Variants in IMMP2L observed in about 807,000 individuals in gnomAD.
The protein encoded by IMMP2L is mitochondrial inner membrane protease subunit 2.
In IMMP2L, 18 loss-of-function variants were observed where a neutral mutation model predicts 19.3. The observed-to-expected ratio is 0.93, with a 90% CI of 0.64 to 1.38. The LOEUF is 1.38. Among genes scored for constraint, IMMP2L ranks in the 40% most tolerant of loss-of-function variants. The probability of loss-of-function intolerance (pLI) is 0.00; values close to 1 mark genes in which losing one functional copy is unlikely to be tolerated. For synonymous variants in IMMP2L, 76 were observed against 73.0 expected, an observed-to-expected ratio of 1.04 and a Z score of -0.21; for missense variants, 233 against 218.2, an observed-to-expected ratio of 1.07 and a Z score of -0.43.
At chr7:111,396,806 T>G (rs1832912707) in intron 3 of IMMP2L, among the ~76,000 whole-genome samples, 1 of 152,070 alleles carries the variant, frequency 6.6e-6, no homozygotes, top group Admixed American at 6.6e-5. Flanking sequence ...CATTTTTCAC[T>G]GGGTGCGGTG....
At chr7:110,989,468 G>A (rs947783550) in intron 3 of IMMP2L, among the ~76,000 whole-genome samples, 1 of 147,098 alleles carries the variant, frequency 6.8e-6, no homozygotes, top group Non-Finnish European at 1.5e-5. Flanking sequence ...GATCAGGTGA[G>A]CCTAGGAGGT....
At chr7:111,085,750 G>A (rs1181103634) in intron 3 of IMMP2L, among the ~76,000 whole-genome samples, 3 of 152,160 alleles carry the variant, frequency 2.0e-5, no homozygotes, top group Non-Finnish European at 2.9e-5. Flanking sequence ...GCCCATCAGT[G>A]ATAGACTGGA....
At chr7:110,762,534 C>A (rs1180514331) in intron 5 of IMMP2L, among the ~76,000 whole-genome samples, 5 of 152,116 alleles carry the variant, frequency 3.3e-5, no homozygotes, top group Non-Finnish European at 5.9e-5. Context: ...CTCCAAGTCA[C>A]CTTTGCTTCA....
intron 3 of IMMP2L, among the ~76,000 whole-genome samples, chr7:111,347,547 G>C (rs1290452427): frequency 2.0e-5 from 3 of 151,878 alleles, no homozygotes; most frequent in Non-Finnish European, 4.4e-5. Context: ...CAGAGAAACA[G>C]GCTAAGAGCA....
intron 3 of IMMP2L, among the ~76,000 whole-genome samples, chr7:111,358,849 A>G (rs1828982599): frequency 6.6e-6 from 1 of 152,148 alleles, no homozygotes; most frequent in Non-Finnish European, 1.5e-5. Flanking sequence ...TCAAGATAGT[A>G]AAGGAAGGAG....
At position 110,762,494 on chromosome 7, in the gene IMMP2L, A is replaced by G. The variant is rs192636621; in HGVS notation, c.409-98773T>C. On this transcript the variant is annotated intron_variant, in intron 5 of 5. Transcript: ENST00000405709. ...AGCTTATCACATTGCCTGAACATCA[A>G]CTCCCGTCTAGGCCTGCCTCGGTGT... Among the ~76,000 whole-genome samples the G allele has an allele frequency of 1.1e-4, 16 of 151,624 alleles. No individual in the cohort carries two copies. In the East Asian group the frequency reaches 2.9e-3, roughly 28 times the overall value.
At chr7:111,559,898 G>A (rs957698752) in intron 1 of IMMP2L, among the ~76,000 whole-genome samples, 1 of 152,092 alleles carries the variant, frequency 6.6e-6, no homozygotes, top group Admixed American at 6.5e-5. Flanking sequence ...GACTGTAAAA[G>A]TCATGCTACT....
intron 4 of IMMP2L, among the ~76,000 whole-genome samples, chr7:110,919,136 T>C (rs975680896): frequency 6.6e-6 from 1 of 152,210 alleles, no homozygotes; most frequent in African/African-American, 2.4e-5. Context: ...CTGAGGATGA[T>C]CCATTTCCAT....
intron 3 of IMMP2L, among the ~76,000 whole-genome samples, chr7:111,340,012 C>A (rs1826854127): frequency 6.6e-6 from 1 of 151,780 alleles, no homozygotes; most frequent in African/African-American, 2.4e-5. Context: ...CTGATACTAC[C>A]ATTCTATATA....
At chr7:111,091,364 T>C (rs942486151) in intron 3 of IMMP2L, 5 of 152,166 alleles carry the variant, frequency 3.3e-5, no homozygotes, top group Non-Finnish European at 7.4e-5. Flanking sequence ...ATATATTTTG[T>C]ACACTTTGTT....
intron 3 of IMMP2L, among the ~76,000 whole-genome samples, chr7:111,011,619 G>A (rs1011638959): frequency 1.3e-5 from 2 of 152,148 alleles, no homozygotes; most frequent in Non-Finnish European, 2.9e-5. Context: ...TAGCCAATAT[G>A]ATGTGAGAGT....
intron 3 of IMMP2L, among the ~76,000 whole-genome samples, chr7:110,977,632 A>C (rs1438861914): frequency 6.6e-6 from 1 of 151,420 alleles, no homozygotes; most frequent in Non-Finnish European, 1.5e-5. Flanking sequence ...AGCAAGCTTG[A>C]CTCTACTTTC....
intron 5 of IMMP2L, among the ~76,000 whole-genome samples, chr7:110,792,199 G>A (rs888007465): frequency 6.6e-6 from 1 of 151,724 alleles, no homozygotes; most frequent in East Asian, 1.9e-4. Context: ...CCCTTAGCTT[G>A]TTGAATTTAG....
rs150517389 is a variant in IMMP2L, at chr7:111,287,319, A to G, written c.239+199919T>C. Among the ~76,000 whole-genome samples, 6 of 152,292 alleles carry G rather than the reference A, an allele frequency of 3.9e-5. No individual in the cohort carries two copies. The East Asian group carries it at 1.2e-3, about 29-fold the overall frequency. On this transcript the variant is annotated intron_variant, in intron 3 of 5. Coordinates refer to ENST00000405709, the MANE Select transcript of IMMP2L (RefSeq NM_032549.4). ...CTCTAAACGTACATATTCCTGCTTTACCTGCTCAGAAGTATTTACTAAGCA... is the reference window on the plus strand; with the variant it reads ...CTCTAAACGTACATATTCCTGCTTTGCCTGCTCAGAAGTATTTACTAAGCA...
At chr7:110,815,265 C>T (rs1802391839) in intron 5 of IMMP2L, among the ~76,000 whole-genome samples, 1 of 152,110 alleles carries the variant, frequency 6.6e-6, no homozygotes, top group African/African-American at 2.4e-5. Context: ...TGCTGGATTA[C>T]ATTTATTGAT....
intron 3 of IMMP2L, among the ~76,000 whole-genome samples, chr7:111,242,620 C>T (rs58247636): frequency 0.2 from 31,010 of 151,928 alleles, 4,327 homozygotes; most frequent in African/African-American, 0.39. Flanking sequence ...AGCACACAAA[C>T]GAGCTTGCTG....
intron 3 of IMMP2L, among the ~76,000 whole-genome samples, chr7:111,369,022 A>T (rs1830043706): frequency 6.6e-6 from 1 of 152,006 alleles, no homozygotes. Context: ...TTCAATGACA[A>T]TACCAATAAT....
At chr7:110,866,085 T>C (rs1343880979) in intron 5 of IMMP2L, among the ~76,000 whole-genome samples, 3 of 151,950 alleles carry the variant, frequency 2.0e-5, no homozygotes, top group South Asian at 2.1e-4. Context: ...AAAGACATGA[T>C]TGACATTTTT....
intron 3 of IMMP2L, among the ~76,000 whole-genome samples, chr7:111,463,412 A>T (rs1395360913): frequency 6.6e-6 from 1 of 152,046 alleles, no homozygotes; most frequent in Non-Finnish European, 1.5e-5. Context: ...CCCAGAGGCT[A>T]ACCTCTGTGA....
Sources: gnomAD v4.1 joint callset for allele counts (sites outside exome capture counted in the v4.1 genomes callset) on GRCh38, gnomAD v4.1.1 for gene constraint, MANE v1.5 for transcripts, NCBI Gene and HGNC (gene_info 2026-07-23, HGNC 2026-07-21) for gene names.